The following METTL22 variants were observed in gnomAD, a reference collection of about 807,000 sequenced individuals.
METTL22 encodes methyltransferase 22, Kin17 lysine, also known as methyltransferase-like protein 22.
A neutral mutation model predicts 48.4 loss-of-function variants in METTL22; 51 were observed. That is an observed-to-expected ratio of 1.05 (90% CI 0.84 to 1.33). METTL22 has a LOEUF of 1.33. METTL22 is among the 40% of genes most tolerant of loss of function. METTL22 has a pLI of 0.00. For synonymous variants in METTL22, 255 were observed against 214.1 expected (o/e 1.19, Z -1.67); for missense variants, 678 against 526.9 (o/e 1.29, Z -2.81).
chr16:8,625,029 A>G (rs929573786), intron 1 of METTL22, among the ~76,000 whole-genome samples: 2 of 152,190 alleles, frequency 1.3e-5, no homozygotes, highest in African/African-American at 2.4e-5. Flanking sequence ...TCTGGGGGAA[A>G]AAAAACCTCA....
chr16:8,663,037 G>A, the METTL22 span, among the ~76,000 whole-genome samples: 10 of 149,926 alleles, frequency 6.7e-5, no homozygotes, highest in African/African-American at 1.2e-4. Flanking sequence ...GTGAAACCCC[G>A]TCTCTACTAA....
Position 8,646,618 on chromosome 16 carries a change from A to T in METTL22, c.*475A>T. The T allele has an allele frequency of 2.2e-6, 1 of 459,504 alleles. No individual in the cohort carries two copies. The highest frequency in any genetic ancestry group is 4.4e-6 in the Non-Finnish European group (1 of 229,114). The allele number at this position is 459,504 out of a possible 1,614,324, so 28.5% of individuals were successfully genotyped here. On this transcript the variant is annotated 3_prime_UTR_variant, in exon 11 of 11. Coordinates refer to ENST00000381920, the MANE Select transcript of METTL22 (RefSeq NM_024109.4). ...AGGGTTGGGTATGCTCCACCCCATC[A>T]CTCTGGTGAGGGCCCCATGAGAAGG...
At chr16:8,634,561 GTTAAC>G (rs1405741104) in intron 3 of METTL22, among the ~76,000 whole-genome samples, 2 of 151,616 alleles carry the variant, frequency 1.3e-5, no homozygotes, top group African/African-American at 4.9e-5. Context: ...TTATTTTTTT[GTTAAC>G]TTCTAATGTA....
At chr16:8,656,290 GAC>G in the METTL22 span, among the ~76,000 whole-genome samples, 1 of 152,262 alleles carries the variant, frequency 6.6e-6, no homozygotes, top group African/African-American at 2.4e-5. Flanking sequence ...TTATCCTATT[GAC>G]ATGTATGTAG....
intron 1 of METTL22, among the ~76,000 whole-genome samples, chr16:8,625,285 C>T (rs958573004): frequency 4.0e-5 from 6 of 151,406 alleles, no homozygotes; most frequent in Admixed American, 2.0e-4. Context: ...AGTAGTTCTA[C>T]GGTTATGATA....
rs1179929038 is a variant in METTL22 at position 8,646,259 on chromosome 16, C to T, written c.*116C>T. The stretch of plus-strand genomic sequence containing the variant: ...TTTTGTCATTTTAAAAATATGGTTA[C>T]ACGTACCTTAGATGACCCAAGATGG... On this transcript the variant is annotated 3_prime_UTR_variant, in exon 11 of 11. Transcript: ENST00000381920. The T allele has an allele frequency of 1.5e-6, 2 of 1,320,720 alleles. No individual in the cohort carries two copies. Among genetic ancestry groups the T allele is most frequent in the Non-Finnish European group, 1.1e-6 (1 of 930,156 alleles). 81.8% of individuals were successfully genotyped at this position (1,320,720 alleles called of 1,614,324 possible).
intron 5 of METTL22, among the ~76,000 whole-genome samples, chr16:8,637,758 C>G (rs1163531756): frequency 6.6e-6 from 1 of 152,210 alleles, no homozygotes; most frequent in Non-Finnish European, 1.5e-5. Context: ...CACCAGGGCT[C>G]CTACCCCACT....
rs1162698482 is a variant in METTL22 at position 8,625,809 on chromosome 16, G to A, written c.133+11G>A. On this transcript the variant is annotated intron_variant, in intron 2 of 10. Transcript: ENST00000381920. ...GCGTGGGGCAGCCAGGTAAGGTCCT[G>A]GGCCCAGGTGCCCTGCGGATCCTAT... 2.9e-5 allele frequency: 47 copies of A among 1,613,446 alleles called. No individual in the cohort carries two copies. The highest frequency in any genetic ancestry group is 8.0e-5 in the African/African-American group (6 of 74,906).
At chr16:8,643,886 T>G (rs2056700602) in intron 9 of METTL22, among the ~76,000 whole-genome samples, 1 of 152,190 alleles carries the variant, frequency 6.6e-6, no homozygotes, top group African/African-American at 2.4e-5. Flanking sequence ...AGTACTGAGA[T>G]TACAGGTGGG....
chr16:8,658,735 C>T, the METTL22 span, among the ~76,000 whole-genome samples: 4 of 152,316 alleles, frequency 2.6e-5, no homozygotes, highest in East Asian at 7.7e-4. Flanking sequence ...GCTTTTCAGT[C>T]CAGATTTGAC....
At chr16:8,665,124 G>A in the METTL22 span, among the ~76,000 whole-genome samples, 10 of 133,460 alleles carry the variant, frequency 7.5e-5, 1 homozygote, top group African/African-American at 1.1e-4. Flanking sequence ...GTGAAACCCC[G>A]TATCTACTAA....
chr16:8,646,275 C>T lies in METTL22; in HGVS notation c.*132C>T. The T allele has an allele frequency of 8.5e-7, 1 of 1,177,436 alleles. No individual in the cohort carries two copies. Among genetic ancestry groups the T allele is most frequent in the Non-Finnish European group, 1.2e-6 (1 of 807,934 alleles). 72.9% of individuals were successfully genotyped at this position (1,177,436 alleles called of 1,614,324 possible). A position where few individuals can be genotyped will look rare whatever the true frequency, so the allele number is the denominator to read the frequency against. On this transcript the variant is annotated 3_prime_UTR_variant, in exon 11 of 11. Coordinates refer to ENST00000381920, the MANE Select transcript of METTL22 (RefSeq NM_024109.4). ...ATATGGTTACACGTACCTTAGATGA[C>T]CCAAGATGGTTTTCTGGGGTCTGTC...
chr16:8,631,517 G>C (rs2056261901), intron 3 of METTL22: 1 of 152,222 alleles, frequency 6.6e-6, no homozygotes, highest in African/African-American at 2.4e-5. Flanking sequence ...GGAATTCAGA[G>C]AGACAGCACA....
chr16:8,636,781 C>CT (rs1241079061), intron 5 of METTL22, among the ~76,000 whole-genome samples: 1 of 152,036 alleles, frequency 6.6e-6, no homozygotes, highest in African/African-American at 2.4e-5. Flanking sequence ...GTATCGTTGT[C>CT]TAATAACGTG....
intron 10 of METTL22, 69 bp downstream of exon 10, chr16:8,644,794 G>T: frequency 7.0e-7 from 1 of 1,429,982 alleles, no homozygotes; most frequent in South Asian, 1.5e-5. Context: ...AGGGCAAAGA[G>T]GTGATGAAGC....
At chr16:8,635,336 G>T in intron 5 of METTL22, 24 bp downstream of exon 5, 2 of 1,518,174 alleles carry the variant, frequency 1.3e-6, no homozygotes, top group South Asian at 2.5e-5. Context: ...ATCTCAGGCT[G>T]CAGGGAAGTA....
the METTL22 span, among the ~76,000 whole-genome samples, chr16:8,657,775 G>T: frequency 6.6e-6 from 1 of 151,394 alleles, no homozygotes; most frequent in South Asian, 2.1e-4. Flanking sequence ...ATTTAGGGCG[G>T]GTCCTAAATC....
intron 7 of METTL22, 157 bp downstream of exon 7, chr16:8,641,341 C>A: frequency 1.3e-6 from 1 of 752,570 alleles, no homozygotes; most frequent in Non-Finnish European, 2.4e-6. Flanking sequence ...CGATGAGCAC[C>A]AGCTGTCATT....
At chr16:8,656,067 C>T in the METTL22 span, among the ~76,000 whole-genome samples, 1 of 152,152 alleles carries the variant, frequency 6.6e-6, no homozygotes, top group African/African-American at 2.4e-5. Flanking sequence ...TGGTATGTGG[C>T]AGGTTTTTGT....
Sources: gnomAD v4.1 joint callset for allele counts (sites outside exome capture counted in the v4.1 genomes callset) on GRCh38, gnomAD v4.1.1 for gene constraint, MANE v1.5 for transcripts, NCBI Gene and HGNC (gene_info 2026-07-23, HGNC 2026-07-21) for gene names.